The following AKAP7 variants were observed in gnomAD, a reference collection of about 807,000 sequenced individuals.
AKAP7 encodes the protein A-kinase anchoring protein 7.
AKAP7 carries 39 observed loss-of-function variants against 39.5 expected under a neutral mutation model. The ratio of observed to expected loss-of-function variants is 0.99; its 90% CI spans 0.76 to 1.29. AKAP7 has a LOEUF of 1.29. AKAP7 is among the 50% of genes most tolerant of loss of function. AKAP7 has a pLI of 0.00. For missense variants in AKAP7, 414 were observed against 407.7 expected, an observed-to-expected ratio of 1.02 and a Z score of -0.13; for synonymous variants, 140 against 139.1, an observed-to-expected ratio of 1.01 and a Z score of -0.05.
At chr6:131,243,221 TA>T (rs1420177083) in intron 7 of AKAP7, among the ~76,000 whole-genome samples, 1 of 152,212 alleles carries the variant, frequency 6.6e-6, no homozygotes, top group East Asian at 1.9e-4. Context: ...TCTTTATTTT[TA>T]AACCAGATGA....
At chr6:131,136,895 C>T in intron 1 of AKAP7, 1 of 983,784 alleles carries the variant, frequency 1.0e-6, no homozygotes, top group South Asian at 4.7e-5. Context: ...AATGGATGCC[C>T]TTAGCCCTTT....
chr6:131,281,949 A>C lies in AKAP7; in HGVS notation c.*223A>C. 8.2e-7 allele frequency: 1 copy of C among 1,217,900 alleles called. No individual in the cohort carries two copies. Among genetic ancestry groups the C allele is most frequent in the Non-Finnish European group, 1.0e-6 (1 of 979,180 alleles). 75.4% of individuals were successfully genotyped at this position (1,217,900 alleles called of 1,614,324 possible). On this transcript the variant is annotated 3_prime_UTR_variant, in exon 8 of 8. Transcript: ENST00000431975. This position sits in a 1 kb window ranked among gnomAD's most constrained non-coding sequence, Gnocchi z 4.0. ...GAGGAAATTAATTGATGAAAGAAGA[A>C]TGGCCCAAGTTTCATTCGCCCTCAG...
intron 5 of AKAP7, among the ~76,000 whole-genome samples, chr6:131,173,002 G>A (rs1039189313): frequency 6.6e-6 from 1 of 152,106 alleles, no homozygotes; most frequent in Middle Eastern, 3.4e-3. Flanking sequence ...GCCAGTACTG[G>A]AGACCAGCCT....
chr6:131,221,727 T>C (rs1257222324), intron 7 of AKAP7, among the ~76,000 whole-genome samples: 2 of 152,208 alleles, frequency 1.3e-5, no homozygotes, highest in Non-Finnish European at 2.9e-5. Flanking sequence ...TGTCTATACT[T>C]TATAAATGGA....
intron 5 of AKAP7, among the ~76,000 whole-genome samples, chr6:131,182,168 T>C (rs1377562997): frequency 2.6e-5 from 4 of 152,154 alleles, no homozygotes; most frequent in Non-Finnish European, 4.4e-5. Flanking sequence ...ACATATAATA[T>C]GAAATTTACC....
intron 7 of AKAP7, among the ~76,000 whole-genome samples, chr6:131,236,008 C>G (rs1411939760): frequency 4.6e-5 from 7 of 152,138 alleles, no homozygotes; most frequent in South Asian, 2.1e-4. Context: ...GTATTGCCTA[C>G]GTTTTCTTCT....
At chr6:131,132,684 A>G (rs1301652362), upstream of AKAP7, among the ~76,000 whole-genome samples, 1 of 152,002 alleles carries the variant, frequency 6.6e-6, no homozygotes, top group Non-Finnish European at 1.5e-5. Flanking sequence ...TTTCCTCATC[A>G]TGTTATTTTA....
chr6:131,239,876 T>C lies in AKAP7; in HGVS notation c.850+20068T>C, dbSNP rs183721428. Among the ~76,000 whole-genome samples the C allele has an allele frequency of 3.4e-3, 523 of 152,284 alleles. 4 individuals are homozygous for C. The highest frequency in any genetic ancestry group is 6.2e-3 in the Non-Finnish European group (420 of 68,026). On this transcript the variant is annotated intron_variant, in intron 7 of 7. Coordinates refer to ENST00000431975, the MANE Select transcript of AKAP7 (RefSeq NM_016377.4). ...AACTTCCTCCTTTAGCTTGGAGTAGTTTGATCGTCTGAAGCCTTCTTCTCT... is the reference window on the plus strand; with the variant it reads ...AACTTCCTCCTTTAGCTTGGAGTAGCTTGATCGTCTGAAGCCTTCTTCTCT...
At chr6:131,142,756 C>A (rs544602313) in intron 1 of AKAP7, among the ~76,000 whole-genome samples, 2 of 152,248 alleles carry the variant, frequency 1.3e-5, no homozygotes, top group African/African-American at 2.4e-5. Flanking sequence ...GCAGCTTACA[C>A]CCTGAGCTTG....
intron 7 of AKAP7, among the ~76,000 whole-genome samples, chr6:131,239,481 G>T (rs1352040397): frequency 6.6e-6 from 1 of 152,138 alleles, no homozygotes; most frequent in Non-Finnish European, 1.5e-5. Context: ...AAGTTCTCCT[G>T]GATAATATCC....
In AKAP7 at chr6:131,184,325, T is replaced by A. The variant is rs541593252; in HGVS notation, c.589+15052T>A. 65 of 629,914 alleles carry A rather than the reference T, an allele frequency of 1.0e-4. No homozygotes were observed. The Middle Eastern group carries it at 1.5e-3, about 14-fold the overall frequency. 39.0% of individuals were successfully genotyped at this position (629,914 alleles called of 1,614,324 possible). On this transcript the variant is annotated intron_variant, in intron 5 of 7. Transcript: ENST00000431975. ...GTCGGGGAGCAGGGGGGTGGCTATA[T>A]CAAGAGGAGTTCTTGTTCTGGTAGA...
At chr6:131,154,513 G>C (rs2698107) in intron 2 of AKAP7, among the ~76,000 whole-genome samples, 94,792 of 142,980 alleles carry the variant, frequency 0.66, 32,126 homozygotes, top group African/African-American at 0.83. Flanking sequence ...TAGAAACTTT[G>C]AAGCATATAT....
intron 7 of AKAP7, among the ~76,000 whole-genome samples, chr6:131,268,211 T>C (rs1813972246): frequency 6.6e-6 from 1 of 152,154 alleles, no homozygotes; most frequent in African/African-American, 2.4e-5. Flanking sequence ...ACCTTCACTT[T>C]CCCAGGATGA....
At chr6:131,201,025 A>G (rs1335671869) in intron 6 of AKAP7, 3 of 152,198 alleles carry the variant, frequency 2.0e-5, no homozygotes, top group Non-Finnish European at 4.4e-5. Context: ...AACATTTCAA[A>G]CTGCATTTAA....
chr6:131,247,290 TATATATATATATATATATATATATG>T (rs1395016015), intron 7 of AKAP7, among the ~76,000 whole-genome samples: 3 of 94,138 alleles, frequency 3.2e-5, no homozygotes, highest in African/African-American at 1.3e-4. Context: ...TATATATATA[TATATATATATATATATATATATATG>T]TTTTTTTTTT....
intron 7 of AKAP7, among the ~76,000 whole-genome samples, chr6:131,245,432 G>T (rs1428021592): frequency 1.4e-5 from 2 of 146,406 alleles, no homozygotes; most frequent in Non-Finnish European, 3.0e-5. Context: ...TTGTTTTTTT[G>T]TTTTTGGTTT....
intron 7 of AKAP7, among the ~76,000 whole-genome samples, chr6:131,232,175 T>G (rs1211951335): frequency 6.6e-6 from 1 of 152,188 alleles, no homozygotes; most frequent in East Asian, 1.9e-4. Context: ...CCCTGCATAT[T>G]AAAGGAGCGG....
chr6:131,199,605 T>C, intron 6 of AKAP7, 32 bp downstream of exon 6: 1 of 1,489,648 alleles, frequency 6.7e-7, no homozygotes. Context: ...AAGCCTGTTT[T>C]ACCAGGCCAC....
At chr6:131,249,158 T>C (rs948710549) in intron 7 of AKAP7, among the ~76,000 whole-genome samples, 1 of 152,188 alleles carries the variant, frequency 6.6e-6, no homozygotes. Flanking sequence ...TTTTATTCCA[T>C]AGATCTTCAC....
Sources: allele counts gnomAD v4.1 joint callset (sites outside exome capture counted in the v4.1 genomes callset), GRCh38; gene constraint gnomAD v4.1.1; non-coding constraint Gnocchi (gnomAD v3.1); transcripts MANE v1.5; gene names NCBI Gene and HGNC (gene_info 2026-07-23, HGNC 2026-07-21).